Variants in BRD1 observed in about 807,000 individuals in gnomAD.
BRD1 encodes the protein bromodomain-containing protein 1.
A neutral mutation model predicts 107.7 loss-of-function variants in BRD1; 24 were observed. The observed-to-expected ratio is 0.22, with a 90% CI of 0.16 to 0.31. The LOEUF (loss-of-function observed/expected upper bound fraction) is 0.31. Among genes scored for constraint, BRD1 ranks in the 10% least tolerant of loss-of-function variants. The pLI is 1.00. For missense variants in BRD1, 1,279 were observed against 1,638.6 expected (o/e 0.78, Z 3.79); for synonymous variants, 744 against 686.1 (o/e 1.08, Z -1.32).
chr22:49,824,220 T>C lies in BRD1; in HGVS notation c.98A>G (p.Tyr33Cys), dbSNP rs1470839521. ...KHSPTRETLT[Y>C]AQAQRMVEIE... ...CTCTACCATCCTTTGAGCTTGAGCG[T>C]AGGTCAGCGTTTCTCGCGTAGGGGA... The change falls in exon 2 of 13, where the codon TAC becomes TGC. Residue 33 changes from tyrosine to cysteine, a missense_variant. This residue lies in a region of BRD1 where 223 missense variants were observed against 263.5 expected (regional missense o/e 0.85). Transcript: ENST00000404760. This position sits in a 1 kb window ranked among gnomAD's most constrained non-coding sequence, Gnocchi z 5.9. The C allele has an allele frequency of 6.2e-7, 1 of 1,613,986 alleles. No individual in the cohort carries two copies.
chr22:49,775,942 G>C, intron 11 of BRD1, 108 bp downstream of exon 11: 8 of 1,074,384 alleles, frequency 7.4e-6, no homozygotes, highest in Non-Finnish European at 1.0e-5. Flanking sequence ...CCCCCCGCCA[G>C]CTGTGGAACC....
intron 9 of BRD1, among the ~76,000 whole-genome samples, chr22:49,777,385 G>C (rs1357438324): frequency 1.3e-5 from 2 of 152,250 alleles, no homozygotes; most frequent in Non-Finnish European, 2.9e-5. Context: ...GCAGGGCTGT[G>C]CTCATTGCCA....
rs982882795 is a variant in BRD1 at position 49,812,025 on chromosome 22, C to T, written c.1368-7665G>A. 2.6e-5 allele frequency among the ~76,000 whole-genome samples: 4 copies of T among 151,790 alleles called. No homozygotes were observed. In the South Asian group the frequency reaches 6.2e-4, roughly 24 times the overall value. ...AAAAATCACACAAAATTTAAAAATA[C>T]GTTAAGATTAAACAGTATTTGAGAG... On this transcript the variant is annotated intron_variant, in intron 2 of 12. Coordinates refer to ENST00000404760, the MANE Select transcript of BRD1 (RefSeq NM_001304808.3).
chr22:49,795,064 G>A (rs1237653116), intron 6 of BRD1, among the ~76,000 whole-genome samples: 1 of 152,098 alleles, frequency 6.6e-6, no homozygotes, highest in Admixed American at 6.5e-5. Flanking sequence ...AGAAACAGGT[G>A]TTTTACTGAA....
rs150825722 is a variant in BRD1 at position 49,797,942 on chromosome 22, C to T, written c.1961G>A (p.Arg654Lys). Residue 654 changes from arginine to lysine, a missense_variant, in exon 6 of 13, where the codon AGG becomes AAG. By Grantham distance (26) the Arg-to-Lys change is conservative. Transcript: ENST00000404760. ...AACAACACCTCCCTGATCGCGCAGC[C>T]TCACCGCGGCTCTATAGAACACGGT... is the stretch of plus-strand genomic sequence containing the variant. ...RDTVFYRAAV[R>K]LRDQGGVVLR... is the part of the protein sequence containing the mutation. 78 of 1,614,242 alleles carry T rather than the reference C, an allele frequency of 4.8e-5. No individual in the cohort carries two copies. Among genetic ancestry groups the T allele is most frequent in the Non-Finnish European group, 6.3e-5 (74 of 1,180,036 alleles).
chr22:49,823,333 G>A lies in BRD1; in HGVS notation c.985C>T (p.Leu329Phe), dbSNP rs751481896. The change falls in exon 2 of 13, where the codon CTC becomes TTC. Residue 329 changes from leucine (L) to phenylalanine (F), a missense_variant. By Grantham distance (22) the Leu-to-Phe change is conservative. Transcript: ENST00000404760. ...GCACCCACGCCCTTCTGCTTACAGA[G>A]GTAGCATGTCAGTTTCCACCGGGCT... is the stretch of plus-strand genomic sequence containing the variant. ...PPARWKLTCY[L>F]CKQKGVGACI... 1.2e-6 allele frequency: 2 copies of A among 1,614,188 alleles called. No individual in the cohort carries two copies. The highest frequency in any genetic ancestry group is 1.7e-6 in the Non-Finnish European group (2 of 1,180,030).
At chr22:49,802,884 A>C (rs1489447888) in intron 3 of BRD1, among the ~76,000 whole-genome samples, 2 of 152,230 alleles carry the variant, frequency 1.3e-5, no homozygotes, top group African/African-American at 4.8e-5. Flanking sequence ...AACTCATTCA[A>C]CAGCCAAAAG....
At chr22:49,798,781 C>A (rs1438073087) in intron 4 of BRD1, 95 bp from the exon 5 acceptor site, 2 of 1,457,710 alleles carry the variant, frequency 1.4e-6, no homozygotes, top group African/African-American at 1.4e-5. Context: ...CCCACAGGCT[C>A]CTGTGCTTCC....
At chr22:49,816,380 C>T (rs969498676) in intron 2 of BRD1, among the ~76,000 whole-genome samples, 2 of 152,122 alleles carry the variant, frequency 1.3e-5, no homozygotes, top group Non-Finnish European at 2.9e-5. Context: ...CAGGTACCCA[C>T]TAGGTGACAG....
rs938530934 is a variant in BRD1 at position 49,792,080 on chromosome 22, C to A, written c.2359+1954G>T. Among the ~76,000 whole-genome samples, 4 of 152,188 alleles carry A rather than the reference C, an allele frequency of 2.6e-5. No individual in the cohort carries two copies. The highest frequency in any genetic ancestry group is 2.1e-4 in the South Asian group (1 of 4,826). ...GGAGGGCCAAGCAGCTCCAACCATGCGAGGTCCTCAACCATGCGAGGTCCT... is the reference window on the plus strand; with the variant it reads ...GGAGGGCCAAGCAGCTCCAACCATGAGAGGTCCTCAACCATGCGAGGTCCT... On this transcript the variant is annotated intron_variant, in intron 7 of 12. Transcript: ENST00000404760. The surrounding 1 kb of genome is among the most constrained non-coding windows in gnomAD (Gnocchi z 4.2).
Position 49,783,050 on chromosome 22 carries a change from T to C in BRD1, c.2857+4340A>G, listed in dbSNP as rs571240150. 3.5e-4 allele frequency among the ~76,000 whole-genome samples: 46 copies of C among 132,724 alleles called. No homozygotes were observed. The highest frequency in any genetic ancestry group is 7.6e-4 in the South Asian group (3 of 3,930). 87.1% of individuals were successfully genotyped at this position (132,724 alleles called of 152,430 possible). The stretch of plus-strand genomic sequence containing the variant: ...GACCCAAGGCCCATCGTGCTGGGAC[T>C]CGCTCCGTGACAATGCAGCTGGGAT... On this transcript the variant is annotated intron_variant, in intron 8 of 12. Coordinates refer to ENST00000404760, the MANE Select transcript of BRD1 (RefSeq NM_001304808.3). This position sits in a 1 kb window ranked among gnomAD's most constrained non-coding sequence, Gnocchi z 4.2.
At chr22:49,798,484 G>A (rs1195792099) in intron 5 of BRD1, 74 bp downstream of exon 5, 34 of 1,611,274 alleles carry the variant, frequency 2.1e-5, no homozygotes, top group South Asian at 4.4e-5. Flanking sequence ...CCAATCACAC[G>A]TTTCCCGGTC....
In BRD1 at chr22:49,792,182, A is replaced by G. The variant is rs2059448638; in HGVS notation, c.2359+1852T>C. On this transcript the variant is annotated intron_variant, in intron 7 of 12. Transcript: ENST00000404760. This position sits in a 1 kb window ranked among gnomAD's most constrained non-coding sequence, Gnocchi z 4.2. Reference sequence around the variant, plus strand: ...GCAATGGAGGAAGCCACTGATAAAAAAAAAAAGCTAAAAAGGTAACTTACT... The same window carrying G: ...GCAATGGAGGAAGCCACTGATAAAAGAAAAAAGCTAAAAAGGTAACTTACT... Among the ~76,000 whole-genome samples, 2 of 152,174 alleles carry G rather than the reference A, an allele frequency of 1.3e-5. No homozygotes were observed. Among genetic ancestry groups the G allele is most frequent in the South Asian group, 2.1e-4 (1 of 4,826 alleles).
rs1369809296 is a variant in BRD1, at chr22:49,792,119, C to T, written c.2359+1915G>A. On this transcript the variant is annotated intron_variant, in intron 7 of 12. Transcript: ENST00000404760. This position sits in a 1 kb window ranked among gnomAD's most constrained non-coding sequence, Gnocchi z 4.2. ...ATGCGAGGTCCTCAGTCCTGTGACC[C>T]AATAACCGTGCGGGGTCCTCAGCCC... Among the ~76,000 whole-genome samples, 2 of 151,996 alleles carry T rather than the reference C, an allele frequency of 1.3e-5. No individual in the cohort carries two copies. Among genetic ancestry groups the T allele is most frequent in the Non-Finnish European group, 2.9e-5 (2 of 68,002 alleles).
At position 49,799,078 on chromosome 22, in the gene BRD1, C is replaced by T. The variant is rs748931445; in HGVS notation, c.1566G>A (p.Leu522=). 1.2e-6 allele frequency: 2 copies of T among 1,610,734 alleles called. No individual in the cohort carries two copies. The highest frequency in any genetic ancestry group is 3.3e-5 in the Admixed American group (2 of 60,028). The change falls in exon 4 of 13, where the codon CTG becomes CTA. Residue 522 remains leucine, a synonymous_variant. Coordinates refer to ENST00000404760, the MANE Select transcript of BRD1 (RefSeq NM_001304808.3). ...DEEMKAAKEK[L]KYWQRLRHDL... Reference sequence around the variant, plus strand: ...CGTGCCGCAGCCGCTGCCAGTACTTCAGCTTCTCTTTGGCAGCCTTCATCT... The same window carrying T: ...CGTGCCGCAGCCGCTGCCAGTACTTTAGCTTCTCTTTGGCAGCCTTCATCT...
intron 2 of BRD1, chr22:49,818,164 G>A: frequency 2.0e-6 from 2 of 1,012,304 alleles, no homozygotes; most frequent in Non-Finnish European, 2.4e-6. Context: ...CAGGGTGAAG[G>A]CGGGAGGAAA....
At chr22:49,778,822 T>C (rs1352278413) in intron 8 of BRD1, among the ~76,000 whole-genome samples, 12 of 151,942 alleles carry the variant, frequency 7.9e-5, no homozygotes, top group Non-Finnish European at 1.5e-5. Context: ...CCACCATGCC[T>C]GGCTAATTTT....
intron 7 of BRD1, among the ~76,000 whole-genome samples, chr22:49,791,411 ACAC>A (rs2059431892): frequency 6.6e-6 from 1 of 152,184 alleles, no homozygotes; most frequent in Non-Finnish European, 1.5e-5. Flanking sequence ...CAAAATATAA[ACAC>A]AACACACAGA....
intron 7 of BRD1, among the ~76,000 whole-genome samples, chr22:49,788,247 G>A (rs185060240): frequency 6.6e-6 from 1 of 152,334 alleles, no homozygotes; most frequent in Admixed American, 6.5e-5. Context: ...CATAACTAAA[G>A]GGGCCTTAAA....
Sources: allele counts gnomAD v4.1 joint callset (sites outside exome capture counted in the v4.1 genomes callset), GRCh38; gene constraint gnomAD v4.1.1; regional missense constraint gnomAD v4.1.1; non-coding constraint Gnocchi (gnomAD v3.1); transcripts MANE v1.5; gene names NCBI Gene and HGNC (gene_info 2026-07-23, HGNC 2026-07-21).